The following CSMD1 variants were observed in gnomAD, a reference collection of about 807,000 sequenced individuals.
The protein encoded by CSMD1 is CUB and sushi domain-containing protein 1.
Under a neutral mutation model 417.5 loss-of-function variants are expected in CSMD1, and 213 were observed. The observed-to-expected ratio is 0.51, with a 90% CI of 0.46 to 0.57. The LOEUF (loss-of-function observed/expected upper bound fraction) is 0.57. Among genes scored for constraint, CSMD1 ranks in the 20% least tolerant of loss-of-function variants. CSMD1 has a pLI of 0.00. For synonymous variants in CSMD1, 2,862 were observed against 1,736.8 expected (o/e 1.65, Z -16.11); for missense variants, 6,923 against 4,529.7 (o/e 1.53, Z -15.17).
At chr8:3,148,929 C>G (rs1819016717) in intron 40 of CSMD1, among the ~76,000 whole-genome samples, 1 of 152,188 alleles carries the variant, frequency 6.6e-6, no homozygotes, top group African/African-American at 2.4e-5. Context: ...TACATCTATT[C>G]TAAAAAGCTA....
intron 3 of CSMD1, among the ~76,000 whole-genome samples, chr8:4,366,254 C>CTTTT (rs56366201): frequency 2.7e-5 from 4 of 150,572 alleles, no homozygotes; most frequent in Non-Finnish European, 1.5e-5. Context: ...AGACGTGATT[C>CTTTT]TTTTTTTTTT....
intron 68 of CSMD1, among the ~76,000 whole-genome samples, chr8:2,946,919 T>A (rs1161870150): frequency 6.6e-6 from 1 of 152,200 alleles, no homozygotes; most frequent in Non-Finnish European, 1.5e-5. Flanking sequence ...CAGCCATCCT[T>A]GTGGACATGA....
chr8:4,683,938 G>A (rs980167241), intron 1 of CSMD1, among the ~76,000 whole-genome samples: 1 of 152,198 alleles, frequency 6.6e-6, no homozygotes, highest in Non-Finnish European at 1.5e-5. Flanking sequence ...TACAAGAAGA[G>A]TTTTTAATCA....
rs375145734 is a variant in CSMD1, at chr8:3,091,512, T to G, written c.7285+4A>C. On this transcript the variant is annotated splice_donor_region_variant and intron_variant, in intron 48 of 69. Coordinates refer to ENST00000635120, the MANE Select transcript of CSMD1 (RefSeq NM_033225.6). ...CATATAAAATCTAAACCTCATTTAC[T>G]TACCTGCATAGCGAATCTTGAATCC... is the stretch of plus-strand genomic sequence containing the variant. 10 of 1,592,478 alleles carry G rather than the reference T, an allele frequency of 6.3e-6. No homozygotes were observed. Among genetic ancestry groups the G allele is most frequent in the Non-Finnish European group, 8.5e-6 (10 of 1,173,876 alleles).
intron 2 of CSMD1, among the ~76,000 whole-genome samples, chr8:4,445,234 T>C (rs1798712992): frequency 6.6e-6 from 1 of 152,206 alleles, no homozygotes; most frequent in Non-Finnish European, 1.5e-5. Context: ...TTGACCATTA[T>C]TTTTCTCTTG....
At position 4,830,114 on chromosome 8, in the gene CSMD1, C is replaced by T. The variant is rs987596334; in HGVS notation, c.85+164218G>A. On this transcript the variant is annotated intron_variant, in intron 1 of 69. Transcript: ENST00000635120. ...TACTGAAGAGCTACATTCTTGGAAA[C>T]TCAGTTCTGCAAAGGCCCTGAATCA... 5.1e-4 allele frequency among the ~76,000 whole-genome samples: 77 copies of T among 152,160 alleles called. 1 individual carries two copies. The highest frequency in any genetic ancestry group is 5.2e-4 in the Admixed American group (8 of 15,274).
At chr8:4,474,831 T>G (rs1800714232) in intron 2 of CSMD1, among the ~76,000 whole-genome samples, 1 of 152,200 alleles carries the variant, frequency 6.6e-6, no homozygotes, top group Non-Finnish European at 1.5e-5. Flanking sequence ...TTCCACTTAA[T>G]CAATAGTAAA....
intron 2 of CSMD1, among the ~76,000 whole-genome samples, chr8:4,613,805 A>G (rs1185259680): frequency 6.7e-6 from 1 of 149,504 alleles, no homozygotes; most frequent in Non-Finnish European, 1.5e-5. Context: ...TGGGATTCAC[A>G]TGGGAAATGG....
chr8:3,815,049 G>A (rs1325139529), intron 5 of CSMD1, among the ~76,000 whole-genome samples: 1 of 152,160 alleles, frequency 6.6e-6, no homozygotes, highest in Non-Finnish European at 1.5e-5. Context: ...GGCACATGAA[G>A]ATGTTTGGGA....
At chr8:4,863,996 T>A (rs781474527) in intron 1 of CSMD1, among the ~76,000 whole-genome samples, 6 of 152,060 alleles carry the variant, frequency 3.9e-5, no homozygotes, top group Non-Finnish European at 8.8e-5. Context: ...ATTCAGTACA[T>A]GTCTATATAT....
intron 3 of CSMD1, among the ~76,000 whole-genome samples, chr8:4,117,951 G>GAAAA (rs5889017): frequency 2.1e-5 from 3 of 145,170 alleles, no homozygotes. Flanking sequence ...AAGTCAATAG[G>GAAAA]AAAAAAAAAA....
chr8:2,983,867 T>C (rs1805632039), intron 54 of CSMD1, among the ~76,000 whole-genome samples: 1 of 152,168 alleles, frequency 6.6e-6, no homozygotes, highest in Non-Finnish European at 1.5e-5. Flanking sequence ...ATATAATTAT[T>C]ATACAAAAAG....
At chr8:4,567,960 G>C (rs1798692944) in intron 2 of CSMD1, among the ~76,000 whole-genome samples, 1 of 152,154 alleles carries the variant, frequency 6.6e-6, no homozygotes, top group East Asian at 1.9e-4. Flanking sequence ...GATTCTTACA[G>C]CACAAGGACT....
chr8:4,060,620 G>A (rs536852949), intron 3 of CSMD1, among the ~76,000 whole-genome samples: 4 of 152,258 alleles, frequency 2.6e-5, no homozygotes, highest in African/African-American at 7.2e-5. Flanking sequence ...CCACCTTAGC[G>A]ATGGGGCTAC....
chr8:4,614,669 G>A (rs1393852518), intron 2 of CSMD1, among the ~76,000 whole-genome samples: 2 of 151,564 alleles, frequency 1.3e-5, no homozygotes, highest in African/African-American at 2.4e-5. Context: ...ACACACAAAC[G>A]CACACACACT....
chr8:3,212,551 G>A (rs969440228), intron 30 of CSMD1, among the ~76,000 whole-genome samples: 1 of 151,996 alleles, frequency 6.6e-6, no homozygotes, highest in African/African-American at 2.4e-5. Context: ...ATGGGGTTTT[G>A]TCATGTTGCT....
intron 11 of CSMD1, among the ~76,000 whole-genome samples, chr8:3,489,030 G>A (rs758113307): frequency 1.3e-5 from 2 of 152,106 alleles, no homozygotes; most frequent in Admixed American, 6.6e-5. Context: ...GATTAACTCT[G>A]TGATAACATT....
chr8:3,432,952 TG>T (rs1175681117), intron 12 of CSMD1, among the ~76,000 whole-genome samples: 3 of 152,074 alleles, frequency 2.0e-5, no homozygotes, highest in Non-Finnish European at 4.4e-5. Context: ...TATCAATAAA[TG>T]GGGGGGTTAC....
rs761601416 is a variant in CSMD1, at chr8:3,187,880, C to G, written c.5609G>C (p.Gly1870Ala). The G allele has an allele frequency of 6.2e-7, 1 of 1,612,682 alleles. No individual in the cohort carries two copies. ...TGACTCCATCTTACCTGAGAAGCTT[C>G]CCAGTCTGGGTGCGGTCACATCCCC... ...DGGDVTAPRL[G>A]SFSGTTVPAL... Residue 1870 changes from glycine to alanine, a missense_variant, in exon 36 of 70, where the codon GGA becomes GCA. Transcript: ENST00000635120.
Sources: gnomAD v4.1 joint callset for allele counts (sites outside exome capture counted in the v4.1 genomes callset) on GRCh38, gnomAD v4.1.1 for gene constraint, MANE v1.5 for transcripts, NCBI Gene and HGNC (gene_info 2026-07-23, HGNC 2026-07-21) for gene names.